The following FYB1 variants were observed in gnomAD, a reference collection of about 807,000 sequenced individuals.
The protein encoded by FYB1 is FYN-binding protein 1.
Under a neutral mutation model 94.1 loss-of-function variants are expected in FYB1, and 41 were observed. The observed-to-expected ratio is 0.44, with a 90% CI of 0.34 to 0.57. The LOEUF (loss-of-function observed/expected upper bound fraction) is 0.57, where lower values mean the gene tolerates loss of function less well. Ranked by LOEUF, FYB1 falls within the 20% of genes least tolerant of loss-of-function variation. The pLI is 0.02. For synonymous variants in FYB1, 367 were observed against 353.2 expected, an observed-to-expected ratio of 1.04 and a Z score of -0.44; for missense variants, 1,050 against 976.8, an observed-to-expected ratio of 1.07 and a Z score of -1.00.
At chr5:39,244,559 T>C (rs1056125308) in intron 1 of FYB1, among the ~76,000 whole-genome samples, 1 of 152,154 alleles carries the variant, frequency 6.6e-6, no homozygotes, top group Non-Finnish European at 1.5e-5. Context: ...TTATTGAGGA[T>C]TTTTGCATCA....
chr5:39,147,407 G>A (rs957039896), intron 3 of FYB1, among the ~76,000 whole-genome samples: 1 of 151,060 alleles, frequency 6.6e-6, no homozygotes, highest in Non-Finnish European at 1.5e-5. Flanking sequence ...TAGCTGAGAC[G>A]ACAGGCACGT....
intron 2 of FYB1, among the ~76,000 whole-genome samples, chr5:39,170,522 G>A (rs758130357): frequency 6.6e-6 from 1 of 152,106 alleles, no homozygotes; most frequent in Non-Finnish European, 1.5e-5. Context: ...TGCTACAGCT[G>A]AAACTCATTC....
intron 2 of FYB1, among the ~76,000 whole-genome samples, chr5:39,166,517 C>CAATAGCA (rs1561201670): frequency 6.6e-6 from 1 of 151,438 alleles, no homozygotes; most frequent in Non-Finnish European, 1.5e-5. Flanking sequence ...GTACTATTCA[C>CAATAGCA]AATAGCAAAG....
At position 39,111,533 on chromosome 5, in the gene FYB1, A is replaced by G. The variant is rs144140900; in HGVS notation, c.2402-1144T>C. On this transcript the variant is annotated intron_variant, in intron 16 of 18. Transcript: ENST00000512982. ...CATAAAACTGAATTTATACATTAAA[A>G]TTTAAGAAAATGAACTTTCCCTTGA... 6.0e-3 allele frequency among the ~76,000 whole-genome samples: 916 copies of G among 152,046 alleles called. 14 individuals are homozygous for G. The highest frequency in any genetic ancestry group is 0.021 in the African/African-American group (863 of 41,554).
chr5:39,126,009 A>C lies in FYB1; in HGVS notation c.2034T>G (p.Asn678Lys). ...TGGTTGACTCTTACGATGAACCTTC[A>C]TTATTGTCTGAGTCAGAGACTTTAG... ...EKPKVSDSDN[N>K]EGSSFPAPPK... The change falls in exon 12 of 19, where the codon AAT (asparagine) becomes AAG (lysine). Residue 678 changes from asparagine to lysine, a missense_variant. By Grantham distance (94) the Asn-to-Lys change is moderately conservative. Transcript: ENST00000512982. 6.2e-7 allele frequency: 1 copy of C among 1,613,272 alleles called. No individual in the cohort carries two copies. The highest frequency in any genetic ancestry group is 1.1e-5 in the South Asian group (1 of 91,050).
intron 2 of FYB1, among the ~76,000 whole-genome samples, chr5:39,156,926 G>T: frequency 6.6e-6 from 1 of 152,108 alleles, no homozygotes; most frequent in Middle Eastern, 3.4e-3. Context: ...AATGAGCAAA[G>T]AAATAGAAAC....
chr5:39,131,971 CGA>C (rs1741239719), intron 9 of FYB1, among the ~76,000 whole-genome samples: 1 of 151,806 alleles, frequency 6.6e-6, no homozygotes, highest in Non-Finnish European at 1.5e-5. Context: ...TGACAGGAGA[CGA>C]GAGGGAGAGA....
At chr5:39,141,711 TA>T (rs1399872933) in intron 3 of FYB1, among the ~76,000 whole-genome samples, 18 of 152,014 alleles carry the variant, frequency 1.2e-4, no homozygotes, top group African/African-American at 4.3e-4. Context: ...TGCACCGACC[TA>T]ATACAAAAAA....
intron 16 of FYB1, among the ~76,000 whole-genome samples, chr5:39,111,447 A>G (rs1309593216): frequency 6.6e-6 from 1 of 151,910 alleles, no homozygotes; most frequent in Non-Finnish European, 1.5e-5. Flanking sequence ...AAACTTACGT[A>G]AATGTATTGA....
At chr5:39,143,306 C>A (rs960286800) in intron 3 of FYB1, among the ~76,000 whole-genome samples, 2 of 152,174 alleles carry the variant, frequency 1.3e-5, no homozygotes, top group African/African-American at 4.8e-5. Flanking sequence ...ACATATCTAT[C>A]AAGCAGCAAC....
intron 2 of FYB1, chr5:39,170,257 A>C (rs1339296356): frequency 8.2e-7 from 1 of 1,222,150 alleles, no homozygotes; most frequent in African/African-American, 1.5e-5. Context: ...TTTCCTACTG[A>C]GAGCTGTTGC....
chr5:39,211,343 C>T (rs565756392), intron 1 of FYB1, among the ~76,000 whole-genome samples: 172 of 138,774 alleles, frequency 1.2e-3, no homozygotes, highest in African/African-American at 4.3e-3. Flanking sequence ...TTTTTTGAGA[C>T]GGAGTCTCGC....
At chr5:39,107,787 T>C (rs183011391) in intron 18 of FYB1, among the ~76,000 whole-genome samples, 3 of 152,082 alleles carry the variant, frequency 2.0e-5, no homozygotes. Context: ...ACTCATAAGT[T>C]TAAAAGACTA....
chr5:39,268,562 G>A (rs1752534133), intron 1 of FYB1, among the ~76,000 whole-genome samples: 1 of 151,756 alleles, frequency 6.6e-6, no homozygotes, highest in Non-Finnish European at 1.5e-5. Context: ...TGAGAAATAT[G>A]TGTTATTTTT....
intron 1 of FYB1, among the ~76,000 whole-genome samples, chr5:39,209,690 A>G (rs1749182902): frequency 6.6e-6 from 1 of 152,180 alleles, no homozygotes; most frequent in African/African-American, 2.4e-5. Context: ...AAGGAGATGT[A>G]AAAGCAGGAA....
At chr5:39,194,678 A>G (rs1271793461) in intron 2 of FYB1, among the ~76,000 whole-genome samples, 1 of 152,214 alleles carries the variant, frequency 6.6e-6, no homozygotes, top group East Asian at 1.9e-4. Context: ...GAAGAGCAGA[A>G]GAAAGAAGTT....
rs144818935 is a variant in FYB1 at position 39,126,103 on chromosome 5, G to A, written c.1940C>T (p.Thr647Met). Residue 647 changes from threonine (T) to methionine (M), a missense_variant, in exon 12 of 19, where the codon ACG (threonine) becomes ATG (methionine). Coordinates refer to ENST00000512982, the MANE Select transcript of FYB1 (RefSeq NM_001465.6). ...CATCTTCAAAATCCCCCAGGACCAC[G>A]TATTACTCTTCTCTTGAACCTGTAG... Reference protein sequence around the residue: ...STLQVQEKSNTWSWGILKMLK... With the variant: ...STLQVQEKSNMWSWGILKMLK... 332 of 1,613,316 alleles carry A rather than the reference G, an allele frequency of 2.1e-4. No individual in the cohort carries two copies. In the East Asian group the frequency reaches 6.1e-3, roughly 30 times the overall value.
intron 3 of FYB1, among the ~76,000 whole-genome samples, chr5:39,149,149 C>T (rs1743028443): frequency 6.6e-6 from 1 of 152,164 alleles, no homozygotes; most frequent in Non-Finnish European, 1.5e-5. Context: ...TTGGCCTCAA[C>T]TACTTTATTT....
chr5:39,259,779 G>T (rs1752138292), intron 1 of FYB1, among the ~76,000 whole-genome samples: 1 of 152,134 alleles, frequency 6.6e-6, no homozygotes. Context: ...GAACGTGGGG[G>T]ATAAGAGAAA....
Sources: allele counts gnomAD v4.1 joint callset (sites outside exome capture counted in the v4.1 genomes callset), GRCh38; gene constraint gnomAD v4.1.1; transcripts MANE v1.5; gene names NCBI Gene and HGNC (gene_info 2026-07-23, HGNC 2026-07-21).